PTPRA: variants seen among roughly 807,000 people sequenced by gnomAD.
PTPRA encodes receptor-type tyrosine-protein phosphatase alpha.
Under a neutral mutation model 104.8 loss-of-function variants are expected in PTPRA, and 25 were observed. That is an observed-to-expected ratio of 0.24 (90% CI 0.17 to 0.33). The LOEUF is 0.33. Ranked by LOEUF, PTPRA falls within the 10% of genes least tolerant of loss-of-function variation. PTPRA has a pLI of 1.00. For missense variants in PTPRA, 765 were observed against 1,015.3 expected, an observed-to-expected ratio of 0.75 and a Z score of 3.35; for synonymous variants, 323 against 368.9, an observed-to-expected ratio of 0.88 and a Z score of 1.43.
At position 2,923,295 on chromosome 20, in the gene PTPRA, A is replaced by C. The variant is rs947039284; in HGVS notation, c.-50+10A>C. The stretch of plus-strand genomic sequence containing the variant: ...AGTTCAAATAACTAAGGTAAGAGAA[A>C]TAAAACCAGAACTGTGAGGAGGCTT... On this transcript the variant is annotated intron_variant, in intron 2 of 23. Coordinates refer to ENST00000399903, the MANE Select transcript of PTPRA (RefSeq NM_001385305.1). 5.4e-6 allele frequency: 7 copies of C among 1,285,620 alleles called. No individual in the cohort carries two copies. Among genetic ancestry groups the C allele is most frequent in the Non-Finnish European group, 7.1e-6 (7 of 986,322 alleles). 79.6% of individuals were successfully genotyped at this position (1,285,620 alleles called of 1,614,324 possible). A position where few individuals can be genotyped will look rare whatever the true frequency, so the allele number is the denominator to read the frequency against.
At chr20:2,991,250 TTGG>T (rs2063160738) in intron 9 of PTPRA, among the ~76,000 whole-genome samples, 1 of 151,912 alleles carries the variant, frequency 6.6e-6, no homozygotes, top group Non-Finnish European at 1.5e-5. Flanking sequence ...TCCCAGCTAC[TTGG>T]AAGTCTGAGG....
chr20:3,025,032 CTT>C (rs1195781900), intron 17 of PTPRA, among the ~76,000 whole-genome samples: 3 of 151,382 alleles, frequency 2.0e-5, no homozygotes, highest in African/African-American at 7.2e-5. Context: ...TTTTATAAAA[CTT>C]TATTTGCAGG....
chr20:2,997,030 A>G (rs142462025), intron 9 of PTPRA, among the ~76,000 whole-genome samples: 46 of 152,358 alleles, frequency 3.0e-4, no homozygotes, highest in African/African-American at 1.1e-3. Flanking sequence ...ATATCTGTCA[A>G]ATAGAATGGC....
intron 1 of PTPRA, among the ~76,000 whole-genome samples, chr20:2,890,431 T>G (rs1015583471): frequency 6.6e-6 from 1 of 152,204 alleles, no homozygotes; most frequent in Non-Finnish European, 1.5e-5. Context: ...GTACTCTATG[T>G]ATTTGTTTGT....
chr20:3,026,907 C>A, intron 18 of PTPRA, 127 bp downstream of exon 18: 1 of 968,522 alleles, frequency 1.0e-6, no homozygotes, highest in Non-Finnish European at 1.6e-6. Context: ...CCTCTTGTTG[C>A]ACCCACTTAA....
chr20:3,000,826 G>A (rs2063592511), intron 9 of PTPRA, among the ~76,000 whole-genome samples: 1 of 152,036 alleles, frequency 6.6e-6, no homozygotes, highest in East Asian at 1.9e-4. Context: ...ACATTGTTTT[G>A]GATGTAAAAA....
chr20:2,960,438 A>G (rs2061710033), intron 3 of PTPRA, among the ~76,000 whole-genome samples: 1 of 151,916 alleles, frequency 6.6e-6, no homozygotes, highest in African/African-American at 2.4e-5. Context: ...TGTAGTAGAG[A>G]CGGGGTTTCA....
intron 1 of PTPRA, among the ~76,000 whole-genome samples, chr20:2,922,470 A>G (rs1034814439): frequency 1.2e-4 from 18 of 151,562 alleles, no homozygotes; most frequent in Admixed American, 3.3e-4. Flanking sequence ...CTCCCAAGTA[A>G]CTGGGATTAC....
At chr20:3,033,069 AGACTC>A (rs2148510873) in intron 20 of PTPRA, among the ~76,000 whole-genome samples, 1 of 152,036 alleles carries the variant, frequency 6.6e-6, no homozygotes, top group South Asian at 2.1e-4. Flanking sequence ...GGAGTATACT[AGACTC>A]GGGCGCTAGC....
chr20:3,021,018 T>C (rs2064841953), intron 13 of PTPRA, among the ~76,000 whole-genome samples: 1 of 152,210 alleles, frequency 6.6e-6, no homozygotes, highest in South Asian at 2.1e-4. Context: ...GTAGGTAAGA[T>C]GGCTTCAGAT....
chr20:2,914,894 G>A (rs959298048), intron 1 of PTPRA, among the ~76,000 whole-genome samples: 8 of 152,122 alleles, frequency 5.3e-5, no homozygotes, highest in African/African-American at 9.7e-5. Context: ...ATTGGGTAAC[G>A]TGTATTCCTA....
the PTPRA span, chr20:2,864,919 G>A: frequency 6.8e-6 from 11 of 1,608,106 alleles, no homozygotes; most frequent in Non-Finnish European, 9.4e-6. This position sits in a 1 kb window ranked among gnomAD's most constrained non-coding sequence, Gnocchi z 5.2. Flanking sequence ...TGTAGCCTGG[G>A]TGAGGAGGGC....
intron 1 of PTPRA, among the ~76,000 whole-genome samples, chr20:2,898,025 G>A (rs995366888): frequency 1.3e-5 from 2 of 148,652 alleles, no homozygotes; most frequent in East Asian, 2.0e-4. Flanking sequence ...CGATCCTCCT[G>A]CCTCAGCCAC....
intron 1 of PTPRA, among the ~76,000 whole-genome samples, chr20:2,912,788 A>G (rs958292182): frequency 1.2e-4 from 18 of 152,226 alleles, no homozygotes; most frequent in African/African-American, 4.3e-4. Flanking sequence ...CAACATCACA[A>G]AAGTTCTATT....
At chr20:2,965,544 T>A (rs1223770711) in intron 5 of PTPRA, among the ~76,000 whole-genome samples, 8 of 151,754 alleles carry the variant, frequency 5.3e-5, no homozygotes, top group African/African-American at 1.9e-4. Context: ...GTAATAAGAT[T>A]AGGTTTGGAA....
intron 1 of PTPRA, among the ~76,000 whole-genome samples, chr20:2,914,757 C>G (rs1312774766): frequency 6.6e-6 from 1 of 152,102 alleles, no homozygotes; most frequent in Non-Finnish European, 1.5e-5. Context: ...GCTCATTAGT[C>G]ACAGATTTTT....
At chr20:2,929,383 T>A (rs933089881) in intron 2 of PTPRA, among the ~76,000 whole-genome samples, 1 of 152,250 alleles carries the variant, frequency 6.6e-6, no homozygotes, top group Non-Finnish European at 1.5e-5. Flanking sequence ...CAGTTTTATT[T>A]AGCCTCTGTT....
intron 6 of PTPRA, among the ~76,000 whole-genome samples, chr20:2,979,220 T>C (rs1487303982): frequency 6.6e-6 from 1 of 152,166 alleles, no homozygotes; most frequent in African/African-American, 2.4e-5. Flanking sequence ...ATTTAAGAAT[T>C]TTTTCAGAAT....
intron 2 of PTPRA, among the ~76,000 whole-genome samples, chr20:2,927,778 G>A (rs1330240103): frequency 6.6e-6 from 1 of 152,198 alleles, no homozygotes; most frequent in East Asian, 1.9e-4. Flanking sequence ...GGGAGGCTGA[G>A]GCAGGTGGAT....
Sources: gnomAD v4.1 joint callset for allele counts (sites outside exome capture counted in the v4.1 genomes callset) on GRCh38, gnomAD v4.1.1 for gene constraint, Gnocchi (gnomAD v3.1) non-coding constraint, MANE v1.5 for transcripts, NCBI Gene and HGNC (gene_info 2026-07-23, HGNC 2026-07-21) for gene names.